KCNN3: variants seen among roughly 807,000 people sequenced by gnomAD.
KCNN3 encodes potassium calcium-activated channel subfamily N member 3.
In KCNN3, 16 loss-of-function variants were observed where a neutral mutation model predicts 62.9. The ratio of observed to expected loss-of-function variants is 0.25; its 90% CI spans 0.17 to 0.39. The LOEUF (loss-of-function observed/expected upper bound fraction) is 0.39, where lower values mean the gene tolerates loss of function less well. Among genes scored for constraint, KCNN3 ranks in the 10% least tolerant of loss-of-function variants. The pLI is 1.00. For synonymous variants in KCNN3, 370 were observed against 389.2 expected (o/e 0.95, Z 0.58); for missense variants, 599 against 949.4 (o/e 0.63, Z 4.85).
At chr1:154,732,446 A>G (rs1284326433) in intron 4 of KCNN3, among the ~76,000 whole-genome samples, 1 of 152,198 alleles carries the variant, frequency 6.6e-6, no homozygotes, top group East Asian at 1.9e-4. Context: ...GCCCCTCCAT[A>G]GGCAGAGGTG....
At chr1:154,804,236 T>A (rs7550076) in intron 2 of KCNN3, among the ~76,000 whole-genome samples, 10,401 of 152,318 alleles carry the variant, frequency 0.068, 416 homozygotes, top group Middle Eastern at 0.12. Flanking sequence ...GATTAATGCG[T>A]TCACTCACAA....
chr1:154,715,322 G>A (rs534299644), intron 5 of KCNN3, among the ~76,000 whole-genome samples: 1 of 151,324 alleles, frequency 6.6e-6, no homozygotes, highest in South Asian at 2.1e-4. Context: ...TGTAGTACCA[G>A]CTACTTTGGA....
At chr1:154,812,035 G>A (rs1265012709) in intron 2 of KCNN3, among the ~76,000 whole-genome samples, 10 of 152,254 alleles carry the variant, frequency 6.6e-5, no homozygotes, top group Non-Finnish European at 8.8e-5. Flanking sequence ...GCCCCCCTGC[G>A]GTGCTGTCAA....
At chr1:154,724,454 C>T (rs1462924959) in intron 5 of KCNN3, among the ~76,000 whole-genome samples, 2 of 152,200 alleles carry the variant, frequency 1.3e-5, no homozygotes, top group South Asian at 2.1e-4. Flanking sequence ...GGCCGAGACA[C>T]GGGCACAGGG....
At chr1:154,710,274 C>T (rs1157605394) in intron 7 of KCNN3, among the ~76,000 whole-genome samples, 1 of 152,176 alleles carries the variant, frequency 6.6e-6, no homozygotes, top group Non-Finnish European at 1.5e-5. Flanking sequence ...AGAGAGAGAA[C>T]ACAGCGTTAT....
chr1:154,867,883 G>A lies in KCNN3; in HGVS notation c.933+1149C>T, dbSNP rs187875609. 1,724 of 921,368 alleles carry A rather than the reference G, an allele frequency of 1.9e-3. 2 individuals are homozygous for A. Among genetic ancestry groups the A allele is most frequent in the Admixed American group, 2.7e-3 (43 of 16,148 alleles). The allele number at this position is 921,368 out of a possible 1,614,324, so 57.1% of individuals were successfully genotyped here. On this transcript the variant is annotated intron_variant, in intron 1 of 7. Transcript: ENST00000271915. Reference sequence around the variant, plus strand: ...GAGCCACTTGTCCACCGATTCCCAGGTCTCCAAGCCTTCCAGCCCACAGCA... The same window carrying A: ...GAGCCACTTGTCCACCGATTCCCAGATCTCCAAGCCTTCCAGCCCACAGCA...
At chr1:154,827,628 A>G (rs955335853) in intron 1 of KCNN3, among the ~76,000 whole-genome samples, 41 of 152,070 alleles carry the variant, frequency 2.7e-4, no homozygotes, top group Admixed American at 3.3e-4. Flanking sequence ...GTGAAACCCC[A>G]TCTCTACTAA....
chr1:154,846,971 C>T (rs1334284569), intron 1 of KCNN3, among the ~76,000 whole-genome samples: 6 of 152,206 alleles, frequency 3.9e-5, no homozygotes, highest in South Asian at 4.1e-4. Context: ...AAGCAGGCAC[C>T]GGACTCGGAG....
chr1:154,747,957 A>G (rs1700975767), intron 3 of KCNN3, among the ~76,000 whole-genome samples: 1 of 152,118 alleles, frequency 6.6e-6, no homozygotes, highest in African/African-American at 2.4e-5. Context: ...GCCGTCCCGG[A>G]TCAAGTGCCC....
chr1:154,786,015 G>C (rs191543510), intron 2 of KCNN3, among the ~76,000 whole-genome samples: 1 of 152,274 alleles, frequency 6.6e-6, no homozygotes, highest in Admixed American at 6.5e-5. Flanking sequence ...TTTAAACCAA[G>C]AGGCCACACT....
At chr1:154,796,784 C>T (rs966995465) in intron 2 of KCNN3, among the ~76,000 whole-genome samples, 1 of 152,210 alleles carries the variant, frequency 6.6e-6, no homozygotes, top group African/African-American at 2.4e-5. Context: ...TGGCATTGGT[C>T]AATAATGGGG....
At chr1:154,727,123 C>T (rs569415299) in intron 4 of KCNN3, among the ~76,000 whole-genome samples, 6 of 152,360 alleles carry the variant, frequency 3.9e-5, no homozygotes, top group Admixed American at 2.0e-4. Flanking sequence ...CTTCTGCAAG[C>T]GGACTCCCGT....
chr1:154,698,411 A>G lies in KCNN3; in HGVS notation c.*9565T>C, dbSNP rs1248653470. On this transcript the variant is annotated 3_prime_UTR_variant, in exon 8 of 8. Coordinates refer to ENST00000271915, the MANE Select transcript of KCNN3 (RefSeq NM_002249.6). ...CATTTTGCAGTGTCTCTTCTGATTG[A>G]CACTGTATACAGGGCATGACCTCTC... 6.6e-6 allele frequency: 1 copy of G among 152,128 alleles called. No homozygotes were observed. The highest frequency in any genetic ancestry group is 2.4e-5 in the African/African-American group (1 of 41,406). The allele number at this position is 152,128 out of a possible 1,614,324, so 9.4% of individuals were successfully genotyped here. A position where few individuals can be genotyped will look rare whatever the true frequency, so the allele number is the denominator to read the frequency against.
chr1:154,772,702 C>G lies in KCNN3; in HGVS notation c.1030-309G>C, dbSNP rs950205956. 7.9e-4 allele frequency among the ~76,000 whole-genome samples: 120 copies of G among 152,234 alleles called. No homozygotes were observed. The highest frequency in any genetic ancestry group is 2.6e-3 in the African/African-American group (110 of 41,520). ...AGAAATAATGTACTTGGTCTTTATC[C>G]TGGTTTAGGCACAGTTCCCAAAACG... On this transcript the variant is annotated intron_variant, in intron 2 of 7. Coordinates refer to ENST00000271915, the MANE Select transcript of KCNN3 (RefSeq NM_002249.6). This position sits in a 1 kb window ranked among gnomAD's most constrained non-coding sequence, Gnocchi z 5.6.
chr1:154,841,975 C>T (rs552573931), intron 1 of KCNN3, among the ~76,000 whole-genome samples: 10 of 152,190 alleles, frequency 6.6e-5, no homozygotes, highest in Non-Finnish European at 1.3e-4. Flanking sequence ...AGTGTAGCCA[C>T]GTGGGTGAGC....
chr1:154,781,167 G>A (rs1202065327), intron 2 of KCNN3, among the ~76,000 whole-genome samples: 2 of 152,228 alleles, frequency 1.3e-5, no homozygotes, highest in African/African-American at 4.8e-5. Context: ...GGGACTAACA[G>A]AGACCAGTGG....
Position 154,788,972 on chromosome 1 carries a change from G to A in KCNN3, c.1030-16579C>T, listed in dbSNP as rs957116856. On this transcript the variant is annotated intron_variant, in intron 2 of 7. Coordinates refer to ENST00000271915, the MANE Select transcript of KCNN3 (RefSeq NM_002249.6). Reference sequence around the variant, plus strand: ...CAGGCAGTCTGGCCCCAGAGTCCACGTACACTCATTTCTTATTGCTGCTGT... The same window carrying A: ...CAGGCAGTCTGGCCCCAGAGTCCACATACACTCATTTCTTATTGCTGCTGT... Among the ~76,000 whole-genome samples, 9 of 152,206 alleles carry A rather than the reference G, an allele frequency of 5.9e-5. No individual in the cohort carries two copies. The East Asian group carries it at 9.7e-4, about 16-fold the overall frequency.
In KCNN3 at chr1:154,869,481, C is replaced by G; in HGVS notation, c.484G>C (p.Val162Leu). Residue 162 changes from valine (V) to leucine (L), a missense_variant, in exon 1 of 8, where the codon GTG (valine) becomes CTG (leucine). Physicochemically the swap from Val to Leu is conservative, Grantham distance 32 (BLOSUM62 1). Around this residue, in one of 7 missense-constraint regions of KCNN3, gnomAD observed 112 missense variants for 142.9 expected, o/e 0.78. Coordinates refer to ENST00000271915, the MANE Select transcript of KCNN3 (RefSeq NM_002249.6). This position sits in a 1 kb window ranked among gnomAD's most constrained non-coding sequence, Gnocchi z 6.1. Reference protein sequence around the residue: ...GSRHRQASPLVHRRDSNPFTE... With the variant: ...GSRHRQASPLLHRRDSNPFTE... ...AAGGGGTTGCTGTCCCGCCGGTGCACCAGGGGGCTGGCCTGTCGGTGCCGG... is the reference window on the plus strand; with the variant it reads ...AAGGGGTTGCTGTCCCGCCGGTGCAGCAGGGGGCTGGCCTGTCGGTGCCGG... 1 of 1,614,092 alleles carries G rather than the reference C, an allele frequency of 6.2e-7. No individual in the cohort carries two copies.
Position 154,791,403 on chromosome 1 carries a change from C to T in KCNN3, c.1030-19010G>A, listed in dbSNP as rs1018946712. ...GGGAGGAGCTCAACAGATGTCTGCC[C>T]GCGACAGCTCAGCAGGTGGGATGGG... On this transcript the variant is annotated intron_variant, in intron 2 of 7. Transcript: ENST00000271915. 3.3e-5 allele frequency among the ~76,000 whole-genome samples: 5 copies of T among 151,920 alleles called. No individual in the cohort carries two copies. In the East Asian group the frequency reaches 7.7e-4, roughly 24 times the overall value.
Sources: gnomAD v4.1 joint callset for allele counts (sites outside exome capture counted in the v4.1 genomes callset) on GRCh38, gnomAD v4.1.1 for gene constraint, gnomAD v4.1.1 regional missense constraint, Gnocchi (gnomAD v3.1) non-coding constraint, MANE v1.5 for transcripts, NCBI Gene and HGNC (gene_info 2026-07-23, HGNC 2026-07-21) for gene names.